CEP128: variants seen among roughly 807,000 people sequenced by gnomAD.
The protein encoded by CEP128 is centrosomal protein 128, also known as centrosomal protein 128kDa.
CEP128 carries 132 observed loss-of-function variants against 156.7 expected under a neutral mutation model. That is an observed-to-expected ratio of 0.84 (90% CI 0.73 to 0.97). The LOEUF (loss-of-function observed/expected upper bound fraction) is 0.97. CEP128 is among the 50% of genes least tolerant of loss of function. The pLI is 0.00. For synonymous variants in CEP128, 469 were observed against 448.9 expected, an observed-to-expected ratio of 1.04 and a Z score of -0.57; for missense variants, 1,252 against 1,281.9, an observed-to-expected ratio of 0.98 and a Z score of 0.36.
At chr14:80,826,077 C>A (rs987175121) in intron 13 of CEP128, among the ~76,000 whole-genome samples, 2 of 148,320 alleles carry the variant, frequency 1.3e-5, no homozygotes, top group African/African-American at 5.0e-5. Flanking sequence ...CTGCACTCCA[C>A]CCTGGGTGAC....
intron 2 of CEP128, among the ~76,000 whole-genome samples, chr14:80,935,844 C>CTTGTT (rs1168158988): frequency 6.6e-6 from 1 of 152,070 alleles, no homozygotes; most frequent in Non-Finnish European, 1.5e-5. Context: ...AAGCACTTTA[C>CTTGTT]TTGTATTAAC....
chr14:80,944,853 A>C (rs1308555808), upstream of CEP128, among the ~76,000 whole-genome samples: 4 of 106,658 alleles, frequency 3.8e-5, no homozygotes, highest in Non-Finnish European at 4.1e-5. Context: ...AAAAAAAAAA[A>C]AAAACAGAAA....
At chr14:80,560,973 G>A (rs1025215313) in intron 20 of CEP128, among the ~76,000 whole-genome samples, 28 of 152,216 alleles carry the variant, frequency 1.8e-4, no homozygotes, top group African/African-American at 5.5e-4. Flanking sequence ...GAAAAATGGC[G>A]CACAGAATGA....
At chr14:80,668,360 A>T (rs774569372) in intron 19 of CEP128, among the ~76,000 whole-genome samples, 2 of 152,164 alleles carry the variant, frequency 1.3e-5, no homozygotes, top group African/African-American at 4.8e-5. Context: ...AAAACAAAAA[A>T]TTTTTTGGAT....
intron 24 of CEP128, among the ~76,000 whole-genome samples, chr14:80,497,823 G>A (rs1347140407): frequency 2.0e-5 from 3 of 152,266 alleles, no homozygotes; most frequent in South Asian, 2.1e-4. Flanking sequence ...AGTAAAAAAT[G>A]TGTGCTTCGT....
intron 4 of CEP128, among the ~76,000 whole-genome samples, chr14:80,908,952 C>G (rs1419132866): frequency 6.6e-6 from 1 of 151,306 alleles, no homozygotes; most frequent in Non-Finnish European, 1.5e-5. Flanking sequence ...TACTATCACC[C>G]TTTGGGGTCT....
chr14:80,649,301 A>G (rs1293815564), intron 19 of CEP128, among the ~76,000 whole-genome samples: 1 of 152,078 alleles, frequency 6.6e-6, no homozygotes, highest in Non-Finnish European at 1.5e-5. Flanking sequence ...CATGTGCTAC[A>G]TCTGTCTTCT....
At chr14:80,888,468 G>T in intron 8 of CEP128, among the ~76,000 whole-genome samples, 1 of 152,148 alleles carries the variant, frequency 6.6e-6, no homozygotes, top group Non-Finnish European at 1.5e-5. Context: ...ATGCAAGGCT[G>T]GTTCAACATA....
At chr14:80,811,749 C>G (rs1474056713) in intron 13 of CEP128, among the ~76,000 whole-genome samples, 1 of 149,734 alleles carries the variant, frequency 6.7e-6, no homozygotes, top group Admixed American at 6.7e-5. Flanking sequence ...TCCAGATAGA[C>G]AGGTAACAGT....
chr14:80,520,096 G>A (rs1888667060), intron 23 of CEP128, among the ~76,000 whole-genome samples: 1 of 152,052 alleles, frequency 6.6e-6, no homozygotes, highest in Non-Finnish European at 1.5e-5. Context: ...ATTTACCATT[G>A]GGAATCCAAA....
intron 12 of CEP128, among the ~76,000 whole-genome samples, chr14:80,831,545 T>G (rs928965431): frequency 1.3e-5 from 2 of 152,036 alleles, no homozygotes; most frequent in African/African-American, 4.8e-5. Context: ...CTACTGCAAT[T>G]TATTTCAAGA....
chr14:80,769,563 A>G (rs1190455335), intron 16 of CEP128, among the ~76,000 whole-genome samples: 1 of 152,138 alleles, frequency 6.6e-6, no homozygotes, highest in East Asian at 1.9e-4. Flanking sequence ...AGCTTCATCC[A>G]TGTCCCTACA....
chr14:80,585,453 A>T (rs1868630), intron 19 of CEP128, among the ~76,000 whole-genome samples: 2,898 of 152,314 alleles, frequency 0.019, 96 homozygotes, highest in South Asian at 0.17. Context: ...ACACCCATCT[A>T]GTAACTTGAA....
At chr14:80,876,268 A>G (rs1888275960) in intron 8 of CEP128, among the ~76,000 whole-genome samples, 1 of 151,980 alleles carries the variant, frequency 6.6e-6, no homozygotes, top group Non-Finnish European at 1.5e-5. Flanking sequence ...GAAAAACCCA[A>G]AAGCAATTAG....
chr14:80,738,354 T>C (rs908541983), intron 19 of CEP128, among the ~76,000 whole-genome samples: 4 of 152,142 alleles, frequency 2.6e-5, no homozygotes, highest in Non-Finnish European at 5.9e-5. Context: ...ATTCGAAGGA[T>C]GAGCAGGGAA....
intron 14 of CEP128, among the ~76,000 whole-genome samples, chr14:80,792,084 C>G (rs1901737105): frequency 1.3e-5 from 2 of 152,126 alleles, no homozygotes; most frequent in South Asian, 4.2e-4. Flanking sequence ...AAAGATATAT[C>G]AGATGAGAAT....
intron 5 of CEP128, chr14:80,905,754 A>G: frequency 2.2e-6 from 1 of 463,850 alleles, no homozygotes; most frequent in Non-Finnish European, 3.6e-6. Context: ...ACAGAGTTTG[A>G]GAAAAAAAAA....
At chr14:80,834,008 A>C (rs1005851814) in intron 12 of CEP128, among the ~76,000 whole-genome samples, 1 of 152,206 alleles carries the variant, frequency 6.6e-6, no homozygotes, top group Non-Finnish European at 1.5e-5. Context: ...ATCAACATGC[A>C]TTCTGAGGAA....
intron 19 of CEP128, among the ~76,000 whole-genome samples, chr14:80,723,588 C>G (rs1205788992): frequency 2.0e-5 from 3 of 152,150 alleles, no homozygotes; most frequent in East Asian, 3.9e-4. Context: ...AATGGTAGAA[C>G]AGTGTCCAAA....
Sources: allele counts gnomAD v4.1 joint callset (sites outside exome capture counted in the v4.1 genomes callset), GRCh38; gene constraint gnomAD v4.1.1; transcripts MANE v1.5; gene names NCBI Gene and HGNC (gene_info 2026-07-23, HGNC 2026-07-21).